TACR1: variants seen among roughly 807,000 people sequenced by gnomAD.
The protein encoded by TACR1 is substance-P receptor.
TACR1 carries 25 observed loss-of-function variants against 35.8 expected under a neutral mutation model. That is an observed-to-expected ratio of 0.70 (90% CI 0.51 to 0.98). The LOEUF is 0.98. TACR1 is among the 50% of genes least tolerant of loss of function. TACR1 has a pLI of 0.00. For missense variants in TACR1, 478 were observed against 522.9 expected (o/e 0.91, Z 0.84); for synonymous variants, 195 against 206.7 (o/e 0.94, Z 0.48).
intron 2 of TACR1, among the ~76,000 whole-genome samples, chr2:75,089,347 G>T (rs1188291888): frequency 1.3e-5 from 2 of 152,166 alleles, no homozygotes; most frequent in Non-Finnish European, 2.9e-5. Flanking sequence ...CCTCCTCCAG[G>T]ACTCTGCTCA....
At chr2:75,166,018 T>A (rs545502993) in intron 1 of TACR1, among the ~76,000 whole-genome samples, 1 of 152,358 alleles carries the variant, frequency 6.6e-6, no homozygotes, top group Non-Finnish European at 1.5e-5. Flanking sequence ...AATTAAAAAG[T>A]CATGCAAATG....
intron 2 of TACR1, among the ~76,000 whole-genome samples, chr2:75,080,872 T>C (rs921672424): frequency 3.3e-5 from 5 of 152,194 alleles, no homozygotes; most frequent in Admixed American, 6.5e-5. Flanking sequence ...ACAAAAGAAA[T>C]ACTTCTTAAA....
At chr2:75,195,068 T>G (rs2103635551) in intron 1 of TACR1, among the ~76,000 whole-genome samples, 1 of 152,276 alleles carries the variant, frequency 6.6e-6, no homozygotes, top group East Asian at 1.9e-4. Context: ...GGGGGAGTCA[T>G]CACCTCTCTG....
intron 1 of TACR1, among the ~76,000 whole-genome samples, chr2:75,137,982 A>C (rs1387208642): frequency 6.6e-6 from 1 of 152,214 alleles, no homozygotes. Context: ...ACCTTTTTAC[A>C]TCCAAGACAG....
In TACR1 at chr2:75,049,427, G is replaced by T. The variant is rs1467350725; in HGVS notation, c.*5C>A. Reference sequence around the variant, plus strand: ...GGGGGCTGCACCTGCCAAAGGCCCTGTGGCCTAGGAGAGCACATTGGAGGA... The same window carrying T: ...GGGGGCTGCACCTGCCAAAGGCCCTTTGGCCTAGGAGAGCACATTGGAGGA... On this transcript the variant is annotated 3_prime_UTR_variant, in exon 5 of 5. Coordinates refer to ENST00000305249, the MANE Select transcript of TACR1 (RefSeq NM_001058.4). 1 of 1,606,424 alleles carries T rather than the reference G, an allele frequency of 6.2e-7. No homozygotes were observed. The highest frequency in any genetic ancestry group is 8.5e-7 in the Non-Finnish European group (1 of 1,173,870).
At chr2:75,120,501 G>C in intron 2 of TACR1, 73 bp downstream of exon 2, 1 of 1,380,382 alleles carries the variant, frequency 7.2e-7, no homozygotes, top group Non-Finnish European at 9.9e-7. Context: ...TGGAAAGAAA[G>C]AAAGAGCAAG....
chr2:75,096,249 G>T (rs375111381), intron 2 of TACR1, among the ~76,000 whole-genome samples: 1 of 152,158 alleles, frequency 6.6e-6, no homozygotes, highest in Non-Finnish European at 1.5e-5. Context: ...GAGTGGTTGG[G>T]TTAACAAGTT....
At chr2:75,163,906 G>A (rs997406560) in intron 1 of TACR1, among the ~76,000 whole-genome samples, 2 of 152,004 alleles carry the variant, frequency 1.3e-5, no homozygotes, top group Admixed American at 6.6e-5. Flanking sequence ...TGCACAAAAT[G>A]ATTCTTCTAT....
intron 1 of TACR1, among the ~76,000 whole-genome samples, chr2:75,163,345 AAG>A (rs1675056964): frequency 6.6e-6 from 1 of 152,200 alleles, no homozygotes; most frequent in African/African-American, 2.4e-5. Context: ...TTTAGGACCT[AAG>A]AATATTTATT....
intron 2 of TACR1, among the ~76,000 whole-genome samples, chr2:75,105,543 AATG>A (rs1342076777): frequency 6.6e-6 from 1 of 152,060 alleles, no homozygotes; most frequent in Non-Finnish European, 1.5e-5. Flanking sequence ...CCATGAAAGA[AATG>A]ATAAGTATTG....
chr2:75,197,410 G>A (rs545240494), intron 1 of TACR1, among the ~76,000 whole-genome samples: 1 of 152,128 alleles, frequency 6.6e-6, no homozygotes, highest in Non-Finnish European at 1.5e-5. Flanking sequence ...CCTTCTTTGG[G>A]TTTCTCACAT....
rs1255357116 is a variant in TACR1, at chr2:75,048,573, C to G, written c.*859G>C. Reference sequence around the variant, plus strand: ...TCCTATTCTTTTCTATTCTTTTATTCTTCGTTTTGTTTTTTTTTGTAAAAC... The same window carrying G: ...TCCTATTCTTTTCTATTCTTTTATTGTTCGTTTTGTTTTTTTTTGTAAAAC... On this transcript the variant is annotated 3_prime_UTR_variant, in exon 5 of 5. Transcript: ENST00000305249. 6.6e-6 allele frequency: 1 copy of G among 152,052 alleles called. No homozygotes were observed. Among genetic ancestry groups the G allele is most frequent in the East Asian group, 1.9e-4 (1 of 5,194 alleles). The allele number at this position is 152,052 out of a possible 1,614,324, so 9.4% of individuals were successfully genotyped here.
chr2:75,175,229 C>T (rs557114015), intron 1 of TACR1, among the ~76,000 whole-genome samples: 221 of 152,240 alleles, frequency 1.5e-3, no homozygotes, highest in African/African-American at 4.9e-3. Context: ...GAACCAGGAA[C>T]GCTAGATGTC....
chr2:75,167,680 A>G (rs2104008677), intron 1 of TACR1, among the ~76,000 whole-genome samples: 1 of 152,328 alleles, frequency 6.6e-6, no homozygotes, highest in East Asian at 1.9e-4. Flanking sequence ...AGAACATTTT[A>G]AACTAAAAAT....
At chr2:75,162,152 T>C (rs1386140257) in intron 1 of TACR1, among the ~76,000 whole-genome samples, 1 of 151,660 alleles carries the variant, frequency 6.6e-6, no homozygotes, top group Non-Finnish European at 1.5e-5. Context: ...ATTTGCAGAA[T>C]GGAAGCCAAA....
chr2:75,064,307 A>C (rs1672726425), intron 2 of TACR1, among the ~76,000 whole-genome samples: 1 of 152,168 alleles, frequency 6.6e-6, no homozygotes, highest in African/African-American at 2.4e-5. Flanking sequence ...TGAAATTTCA[A>C]CTGGGTAGAT....
intron 2 of TACR1, among the ~76,000 whole-genome samples, chr2:75,061,238 G>A (rs564768823): frequency 2.2e-4 from 34 of 152,012 alleles, no homozygotes; most frequent in African/African-American, 6.0e-4. Flanking sequence ...CTCCAGGGGC[G>A]GGTACAGCCT....
intron 1 of TACR1, among the ~76,000 whole-genome samples, chr2:75,175,182 A>G (rs1675383058): frequency 2.0e-5 from 3 of 152,164 alleles, no homozygotes; most frequent in African/African-American, 4.8e-5. Flanking sequence ...GTGTTTTGTC[A>G]CAATGACTCA....
intron 2 of TACR1, among the ~76,000 whole-genome samples, chr2:75,060,233 G>A (rs1403660560): frequency 6.6e-6 from 1 of 152,112 alleles, no homozygotes; most frequent in African/African-American, 2.4e-5. Context: ...CAAGGGGAGT[G>A]GAGACATTAA....
Sources: gnomAD v4.1 joint callset for allele counts (sites outside exome capture counted in the v4.1 genomes callset) on GRCh38, gnomAD v4.1.1 for gene constraint, MANE v1.5 for transcripts, NCBI Gene and HGNC (gene_info 2026-07-23, HGNC 2026-07-21) for gene names.